CSMD1: variants seen among roughly 807,000 people sequenced by gnomAD.
The protein encoded by CSMD1 is CUB and sushi domain-containing protein 1.
A neutral mutation model predicts 417.5 loss-of-function variants in CSMD1; 213 were observed. That is an observed-to-expected ratio of 0.51 (90% CI 0.46 to 0.57). The LOEUF is 0.57. CSMD1 is among the 20% of genes least tolerant of loss of function. The pLI, the probability that CSMD1 is intolerant of heterozygous loss-of-function variation, is 0.00. For synonymous variants in CSMD1, 2,862 were observed against 1,736.8 expected (o/e 1.65, Z -16.11); for missense variants, 6,923 against 4,529.7 (o/e 1.53, Z -15.17).
intron 25 of CSMD1, among the ~76,000 whole-genome samples, chr8:3,303,358 G>C (rs3896041): frequency 0.87 from 132,332 of 152,196 alleles, 58,129 homozygotes; most frequent in Non-Finnish European, 0.94. Context: ...CTCTCTAAAA[G>C]CTGATGCCAC....
chr8:4,794,989 T>G (rs1379150777), intron 1 of CSMD1, among the ~76,000 whole-genome samples: 1 of 144,506 alleles, frequency 6.9e-6, no homozygotes, highest in Non-Finnish European at 1.5e-5. Context: ...GAAAGAATGG[T>G]GCCTTAGGAA....
chr8:3,577,574 C>T (rs919552052), intron 9 of CSMD1, among the ~76,000 whole-genome samples: 2 of 152,096 alleles, frequency 1.3e-5, no homozygotes, highest in African/African-American at 4.8e-5. Flanking sequence ...TTTAACTTTG[C>T]CAATTAGAAC....
chr8:3,737,162 T>C (rs1796562661), intron 6 of CSMD1, among the ~76,000 whole-genome samples: 2 of 152,232 alleles, frequency 1.3e-5, no homozygotes, highest in Admixed American at 6.5e-5. Flanking sequence ...ATTAGTTTAA[T>C]AAAAATTGCA....
rs191523204 is a variant in CSMD1 at position 4,696,745 on chromosome 8, C to G, written c.86-59187G>C. On this transcript the variant is annotated intron_variant, in intron 1 of 69. Coordinates refer to ENST00000635120, the MANE Select transcript of CSMD1 (RefSeq NM_033225.6). Reference sequence around the variant, plus strand: ...CACTAGTACCCAGAATAATGCCCAGCACCCAACATGGGTGTCCAATGACTG... The same window carrying G: ...CACTAGTACCCAGAATAATGCCCAGGACCCAACATGGGTGTCCAATGACTG... Among the ~76,000 whole-genome samples the G allele has an allele frequency of 1.7e-3, 254 of 152,316 alleles. 1 individual carries two copies. Among genetic ancestry groups the G allele is most frequent in the African/African-American group, 6.0e-3 (248 of 41,554 alleles).
intron 12 of CSMD1, among the ~76,000 whole-genome samples, chr8:3,465,950 C>T (rs1460782478): frequency 6.6e-6 from 1 of 152,056 alleles, no homozygotes; most frequent in Admixed American, 6.5e-5. Flanking sequence ...ACTGGCTCAG[C>T]TAGAAGCTGG....
At chr8:4,292,488 G>T (rs558148769) in intron 3 of CSMD1, among the ~76,000 whole-genome samples, 1 of 152,138 alleles carries the variant, frequency 6.6e-6, no homozygotes, top group South Asian at 2.1e-4. Flanking sequence ...TGCTGACCTC[G>T]TAATCTGCCT....
rs540791358 is a variant in CSMD1 at position 3,573,992 on chromosome 8, A to G, written c.1344+953T>C. On this transcript the variant is annotated intron_variant, in intron 10 of 69. Coordinates refer to ENST00000635120, the MANE Select transcript of CSMD1 (RefSeq NM_033225.6). ...GTTAAAAAAATTCATTTGATAGCCA[A>G]TGAAACATGATTATGAGTATGATTT... Among the ~76,000 whole-genome samples, 515 of 152,268 alleles carry G rather than the reference A, an allele frequency of 3.4e-3. 5 individuals are homozygous for G. The highest frequency in any genetic ancestry group is 0.011 in the African/African-American group (476 of 41,566).
chr8:4,787,747 A>T, intron 1 of CSMD1: 1 of 1,588,284 alleles, frequency 6.3e-7, no homozygotes. Flanking sequence ...GGAACAGCTG[A>T]TTGCTGCAAA....
chr8:4,563,388 G>T (rs914012627), intron 2 of CSMD1, among the ~76,000 whole-genome samples: 1 of 152,010 alleles, frequency 6.6e-6, no homozygotes, highest in Non-Finnish European at 1.5e-5. Context: ...GTAACAGAGC[G>T]ACACTCTGTC....
In CSMD1 at chr8:3,343,307, T is replaced by C; in HGVS notation, c.3618A>G (p.Gln1206=). 1 of 1,613,600 alleles carries C rather than the reference T, an allele frequency of 6.2e-7. No homozygotes were observed. The highest frequency in any genetic ancestry group is 8.5e-7 in the Non-Finnish European group (1 of 1,179,618). Residue 1206 remains glutamine (Q), a synonymous_variant, in exon 23 of 70, where the codon CAA becomes CAG. Coordinates refer to ENST00000635120, the MANE Select transcript of CSMD1 (RefSeq NM_033225.6). ...TNGSDTDQGF[Q]LTYTSFDLVK... is the part of the protein sequence containing the mutation. ...TATGTTACTTACTGGTATAGGTGAGTTGAAAACCTTGGTCGGTGTCAGATC... is the reference window on the plus strand; with the variant it reads ...TATGTTACTTACTGGTATAGGTGAGCTGAAAACCTTGGTCGGTGTCAGATC...
intron 3 of CSMD1, among the ~76,000 whole-genome samples, chr8:4,069,508 T>C (rs1185055216): frequency 6.6e-6 from 1 of 152,124 alleles, no homozygotes; most frequent in East Asian, 1.9e-4. Flanking sequence ...AGCCTGACAT[T>C]TGCTAATGAT....
At chr8:3,791,449 C>T (rs1043550431) in intron 5 of CSMD1, among the ~76,000 whole-genome samples, 4 of 152,224 alleles carry the variant, frequency 2.6e-5, no homozygotes, top group Non-Finnish European at 5.9e-5. Flanking sequence ...TAGCATAGTG[C>T]TGATACGTAG....
chr8:4,831,892 C>T (rs1800175252), intron 1 of CSMD1, among the ~76,000 whole-genome samples: 1 of 151,856 alleles, frequency 6.6e-6, no homozygotes, highest in Non-Finnish European at 1.5e-5. Context: ...GAAGAGGAAG[C>T]AGCTGACACA....
At chr8:4,309,848 T>C (rs1235183119) in intron 3 of CSMD1, among the ~76,000 whole-genome samples, 1 of 152,168 alleles carries the variant, frequency 6.6e-6, no homozygotes, top group African/African-American at 2.4e-5. Flanking sequence ...GTCTGAGTAT[T>C]TTCTCTGCAG....
intron 1 of CSMD1, among the ~76,000 whole-genome samples, chr8:4,876,772 T>C (rs896602668): frequency 4.6e-5 from 7 of 152,078 alleles, no homozygotes; most frequent in Non-Finnish European, 8.8e-5. Context: ...GAGTCATTTC[T>C]CAGTTTTTTG....
In CSMD1 at chr8:3,567,657, G is replaced by A. The variant is rs557597630; in HGVS notation, c.1344+7288C>T. 1.2e-4 allele frequency among the ~76,000 whole-genome samples: 18 copies of A among 151,946 alleles called. No individual in the cohort carries two copies. The South Asian group carries it at 1.2e-3, about 11-fold the overall frequency. On this transcript the variant is annotated intron_variant, in intron 10 of 69. Transcript: ENST00000635120. Reference sequence around the variant, plus strand: ...GCTCAAATTCCCAGCCTTGTTTACCGACAATATTCCCAAGCAATGCAACTG... The same window carrying A: ...GCTCAAATTCCCAGCCTTGTTTACCAACAATATTCCCAAGCAATGCAACTG...
intron 3 of CSMD1, among the ~76,000 whole-genome samples, chr8:4,284,578 A>C (rs1796960044): frequency 1.3e-5 from 2 of 152,178 alleles, no homozygotes; most frequent in Admixed American, 6.5e-5. Flanking sequence ...GGGCAGTCTA[A>C]GCAAAATATT....
chr8:4,651,790 A>T (rs1011412578), intron 1 of CSMD1, among the ~76,000 whole-genome samples: 2 of 152,230 alleles, frequency 1.3e-5, no homozygotes, highest in African/African-American at 4.8e-5. Context: ...CTGTGTGATT[A>T]TTAGGGGTGA....
At chr8:3,867,945 G>C (rs764646514) in intron 5 of CSMD1, among the ~76,000 whole-genome samples, 1 of 152,010 alleles carries the variant, frequency 6.6e-6, no homozygotes, top group Non-Finnish European at 1.5e-5. Context: ...GCCAATCTTT[G>C]TATGTCTTCT....
Sources: gnomAD v4.1 joint callset for allele counts (sites outside exome capture counted in the v4.1 genomes callset) on GRCh38, gnomAD v4.1.1 for gene constraint, MANE v1.5 for transcripts, NCBI Gene and HGNC (gene_info 2026-07-23, HGNC 2026-07-21) for gene names.